SYNPR: variants seen among roughly 807,000 people sequenced by gnomAD.
The protein encoded by SYNPR is synaptoporin.
Under a neutral mutation model 32.9 loss-of-function variants are expected in SYNPR, and 23 were observed. The ratio of observed to expected loss-of-function variants is 0.70; its 90% CI spans 0.50 to 0.99. The LOEUF (loss-of-function observed/expected upper bound fraction) is 0.99, where lower values mean the gene tolerates loss of function less well. Among genes scored for constraint, SYNPR ranks in the 50% least tolerant of loss-of-function variants. The probability of loss-of-function intolerance (pLI) is 0.00; values close to 1 mark genes in which losing one functional copy is unlikely to be tolerated. For missense variants in SYNPR, 318 were observed against 349.3 expected (o/e 0.91, Z 0.71); for synonymous variants, 146 against 135.9 (o/e 1.07, Z -0.52).
At chr3:63,335,352 C>CAAAAAAAAAAAAAAAAAAAAAAAAAAAAA (rs35394118) in intron 2 of SYNPR, among the ~76,000 whole-genome samples, 1 of 84,954 alleles carries the variant, frequency 1.2e-5, no homozygotes. Context: ...GACTCCGTCT[C>CAAAAAAAAAAAAAAAAAAAAAAAAAAAAA]AAAAAAAAAA....
chr3:63,258,603 C>A (rs2086409155), intron 2 of SYNPR, among the ~76,000 whole-genome samples: 1 of 151,968 alleles, frequency 6.6e-6, no homozygotes, highest in Non-Finnish European at 1.5e-5. Flanking sequence ...GCAGTAAATG[C>A]CCACAAGAGA....
intron 2 of SYNPR, among the ~76,000 whole-genome samples, chr3:63,479,293 T>C (rs913365160): frequency 1.3e-5 from 2 of 152,216 alleles, no homozygotes; most frequent in African/African-American, 4.8e-5. Flanking sequence ...TAACATTGAT[T>C]GAGAGCTTAC....
chr3:63,610,464 G>A, intron 5 of SYNPR: 1 of 695,896 alleles, frequency 1.4e-6, no homozygotes. Context: ...ATTAACCTGT[G>A]TTTCTACAGC....
At chr3:63,226,133 C>A (rs1248225051), upstream of SYNPR, among the ~76,000 whole-genome samples, 2 of 152,088 alleles carry the variant, frequency 1.3e-5, no homozygotes, top group South Asian at 2.1e-4. Flanking sequence ...AAATCCAAAT[C>A]ACGATGAAAT....
intron 2 of SYNPR, among the ~76,000 whole-genome samples, chr3:63,380,550 G>C (rs1186499405): frequency 6.6e-6 from 1 of 151,892 alleles, no homozygotes; most frequent in Non-Finnish European, 1.5e-5. Flanking sequence ...TTTTTTTCTT[G>C]TAAATTTGTT....
At chr3:63,268,675 G>A (rs1483296844) in intron 3 of SYNPR, among the ~76,000 whole-genome samples, 1 of 145,386 alleles carries the variant, frequency 6.9e-6, no homozygotes, top group Non-Finnish European at 1.5e-5. Flanking sequence ...GGAGGAGGAG[G>A]AAGAGGAGGG....
chr3:63,608,267 C>T (rs1016778590), intron 4 of SYNPR, among the ~76,000 whole-genome samples: 4 of 152,068 alleles, frequency 2.6e-5, no homozygotes, highest in African/African-American at 4.8e-5. Context: ...CTAGAAATTT[C>T]GTTTGATATG....
intron 3 of SYNPR, among the ~76,000 whole-genome samples, chr3:63,521,143 AC>A (rs2106772487): frequency 6.6e-6 from 1 of 152,182 alleles, no homozygotes; most frequent in East Asian, 1.9e-4. Context: ...AGGGCACTAG[AC>A]CCCTTGAAGA....
At chr3:63,345,576 A>G (rs2087426759) in intron 2 of SYNPR, among the ~76,000 whole-genome samples, 1 of 152,060 alleles carries the variant, frequency 6.6e-6, no homozygotes, top group Non-Finnish European at 1.5e-5. Flanking sequence ...TTGCAGGGAA[A>G]GAAGCTGGGA....
chr3:63,610,547 T>C, intron 5 of SYNPR: 1 of 696,546 alleles, frequency 1.4e-6, no homozygotes, highest in Non-Finnish European at 2.6e-6. Context: ...CTGTGATTTC[T>C]GCTTTGGTGA....
chr3:63,384,534 C>G (rs1260267325), intron 2 of SYNPR, among the ~76,000 whole-genome samples: 5 of 152,152 alleles, frequency 3.3e-5, no homozygotes, highest in African/African-American at 4.8e-5. Flanking sequence ...AATTCCCTAA[C>G]CATGGTTAGG....
At chr3:63,391,236 C>T (rs1393713990) in intron 2 of SYNPR, among the ~76,000 whole-genome samples, 1 of 152,154 alleles carries the variant, frequency 6.6e-6, no homozygotes, top group Non-Finnish European at 1.5e-5. Context: ...CACCCTAGAC[C>T]ACTGCAGAAT....
intron 2 of SYNPR, among the ~76,000 whole-genome samples, chr3:63,391,648 C>A (rs2088138219): frequency 6.6e-6 from 1 of 152,016 alleles, no homozygotes; most frequent in South Asian, 2.1e-4. Flanking sequence ...TAATACATAC[C>A]TATTGATGAC....
chr3:63,483,937 T>C (rs1236589793), intron 3 of SYNPR, among the ~76,000 whole-genome samples: 1 of 152,218 alleles, frequency 6.6e-6, no homozygotes, highest in East Asian at 1.9e-4. Flanking sequence ...CTATTCAGTG[T>C]ATTGCAAAGA....
At chr3:63,298,745 G>T (rs2086815194) in intron 2 of SYNPR, among the ~76,000 whole-genome samples, 2 of 152,122 alleles carry the variant, frequency 1.3e-5, no homozygotes, top group African/African-American at 4.8e-5. Context: ...GGAAACACTG[G>T]TAAGGGAGTA....
intron 2 of SYNPR, among the ~76,000 whole-genome samples, chr3:63,356,733 C>A (rs998418934): frequency 1.5e-4 from 23 of 152,208 alleles, no homozygotes; most frequent in African/African-American, 5.3e-4. Flanking sequence ...ATACTAGGTA[C>A]TCAGTTAATG....
intron 2 of SYNPR, among the ~76,000 whole-genome samples, chr3:63,337,789 T>C (rs895327444): frequency 5.3e-5 from 8 of 152,098 alleles, no homozygotes; most frequent in African/African-American, 1.7e-4. Context: ...TGATTCCAAA[T>C]AAATGACATT....
At chr3:63,515,481 T>C (rs1701779043) in intron 3 of SYNPR, among the ~76,000 whole-genome samples, 1 of 152,158 alleles carries the variant, frequency 6.6e-6, no homozygotes. Flanking sequence ...TTCTCTCTTA[T>C]TCTTTTTCTC....
At chr3:63,311,010 G>C (rs1159921128) in intron 2 of SYNPR, among the ~76,000 whole-genome samples, 1 of 47,888 alleles carries the variant, frequency 2.1e-5, no homozygotes, top group East Asian at 3.4e-4. Context: ...TCATTTATGT[G>C]GTATCCTTCC....
Sources: allele counts gnomAD v4.1 joint callset (sites outside exome capture counted in the v4.1 genomes callset), GRCh38; gene constraint gnomAD v4.1.1; transcripts MANE v1.5; gene names NCBI Gene and HGNC (gene_info 2026-07-23, HGNC 2026-07-21).